HTR1F: variants seen among roughly 807,000 people sequenced by gnomAD.
The protein encoded by HTR1F is 5-hydroxytryptamine receptor 1F.
Under a neutral mutation model 24.0 loss-of-function variants are expected in HTR1F, and 17 were observed. The observed-to-expected ratio is 0.71, with a 90% CI of 0.48 to 1.06. The LOEUF (loss-of-function observed/expected upper bound fraction) is 1.06. HTR1F is among the 50% of genes least tolerant of loss of function. The pLI is 0.00. For synonymous variants in HTR1F, 186 were observed against 156.8 expected, an observed-to-expected ratio of 1.19 and a Z score of -1.39; for missense variants, 391 against 427.8, an observed-to-expected ratio of 0.91 and a Z score of 0.76.
chr3:87,887,871 G>A (rs1705989245), intron 2 of HTR1F, among the ~76,000 whole-genome samples: 1 of 151,958 alleles, frequency 6.6e-6, no homozygotes, highest in South Asian at 2.1e-4. Context: ...ACTGTTGGTG[G>A]GACTGTAAAC....
Position 87,991,824 on chromosome 3 carries a change from C to A in HTR1F, c.1075C>A (p.Gln359Lys). 1 of 1,581,456 alleles carries A rather than the reference C, an allele frequency of 6.3e-7. No individual in the cohort carries two copies. The highest frequency in any genetic ancestry group is 1.2e-5 in the South Asian group (1 of 85,290). ...IFNEDFKKAF[Q>K]KLVRCRC ...TAATGAAGACTTCAAGAAAGCATTC[C>A]AAAAGCTTGTGCGATGTCGATGTTA... Residue 359 changes from glutamine to lysine, a missense_variant, in exon 3 of 3, where the codon CAA becomes AAA. Coordinates refer to ENST00000319595, the MANE Select transcript of HTR1F (RefSeq NM_001322209.2).
chr3:87,889,726 T>C (rs1477367506), intron 2 of HTR1F, among the ~76,000 whole-genome samples: 1 of 152,196 alleles, frequency 6.6e-6, no homozygotes, highest in Non-Finnish European at 1.5e-5. Context: ...ACATTTACCA[T>C]TTTATTATTT....
chr3:87,831,143 T>G (rs1046593789), intron 2 of HTR1F, among the ~76,000 whole-genome samples: 2 of 151,864 alleles, frequency 1.3e-5, no homozygotes, highest in African/African-American at 4.8e-5. Flanking sequence ...AAGTATACCC[T>G]AAATAACTCT....
chr3:87,954,853 A>C (rs1467189989), intron 2 of HTR1F, among the ~76,000 whole-genome samples: 5 of 151,586 alleles, frequency 3.3e-5, no homozygotes, highest in Non-Finnish European at 7.4e-5. Flanking sequence ...AAAGGAACTT[A>C]TTAAACTTTC....
chr3:87,807,320 T>C (rs1704090028), intron 1 of HTR1F, among the ~76,000 whole-genome samples: 1 of 151,992 alleles, frequency 6.6e-6, no homozygotes, highest in Admixed American at 6.6e-5. Flanking sequence ...TTGTAGTTTT[T>C]CTTTTAGAAA....
chr3:87,935,184 C>G (rs966439710), intron 2 of HTR1F, among the ~76,000 whole-genome samples: 1 of 152,094 alleles, frequency 6.6e-6, no homozygotes, highest in Admixed American at 6.5e-5. Context: ...GGTTACTTCA[C>G]AAAAGCTGGA....
At chr3:87,952,719 C>A (rs1032858999) in intron 2 of HTR1F, among the ~76,000 whole-genome samples, 1 of 151,828 alleles carries the variant, frequency 6.6e-6, no homozygotes, top group Admixed American at 6.6e-5. Flanking sequence ...TCACCAGGAA[C>A]TTTTTTAAAA....
intron 2 of HTR1F, among the ~76,000 whole-genome samples, chr3:87,957,106 T>A (rs1349580068): frequency 6.6e-6 from 1 of 151,320 alleles, no homozygotes; most frequent in Non-Finnish European, 1.5e-5. Context: ...ATGCCTCTTA[T>A]CAGATGGAGG....
At chr3:87,815,855 A>T (rs1396989828) in intron 1 of HTR1F, among the ~76,000 whole-genome samples, 1 of 151,888 alleles carries the variant, frequency 6.6e-6, no homozygotes, top group African/African-American at 2.4e-5. Context: ...CCAGCATTTC[A>T]CTCATCTCCC....
At chr3:87,899,330 G>T (rs1182386070) in intron 2 of HTR1F, among the ~76,000 whole-genome samples, 2 of 152,062 alleles carry the variant, frequency 1.3e-5, no homozygotes, top group African/African-American at 4.8e-5. Flanking sequence ...AATACTACCA[G>T]AATTCTTTCA....
At chr3:87,910,014 C>G (rs951198176) in intron 2 of HTR1F, among the ~76,000 whole-genome samples, 1 of 151,960 alleles carries the variant, frequency 6.6e-6, no homozygotes, top group Non-Finnish European at 1.5e-5. Context: ...ATACTTCCTG[C>G]CAAAATTCTA....
At chr3:87,980,981 G>A (rs1366269485) in intron 2 of HTR1F, among the ~76,000 whole-genome samples, 1 of 152,082 alleles carries the variant, frequency 6.6e-6, no homozygotes, top group Admixed American at 6.5e-5. Context: ...GTAGCTGGGG[G>A]GCTGCTGCTG....
At chr3:87,795,315 G>A (rs1703886544) in intron 1 of HTR1F, among the ~76,000 whole-genome samples, 2 of 152,148 alleles carry the variant, frequency 1.3e-5, no homozygotes. Flanking sequence ...TAAAAGGAGT[G>A]ATAGTTTAAA....
rs1559599033 is a variant in HTR1F, at chr3:87,834,462, C to T, written c.-43+12338C>T. On this transcript the variant is annotated intron_variant, in intron 2 of 2. Coordinates refer to ENST00000319595, the MANE Select transcript of HTR1F (RefSeq NM_001322209.2). Reference sequence around the variant, plus strand: ...TTTTTTTTTTTCCCAAGCTATTTCCCATTAGTCTGTTTTCACTTGTTTGTT... The same window carrying T: ...TTTTTTTTTTTCCCAAGCTATTTCCTATTAGTCTGTTTTCACTTGTTTGTT... Among the ~76,000 whole-genome samples the T allele has an allele frequency of 1.1e-4, 16 of 151,702 alleles. 1 individual carries two copies. The South Asian group carries it at 3.3e-3, about 32-fold the overall frequency.
At chr3:87,843,323 A>C (rs1375858505) in intron 2 of HTR1F, among the ~76,000 whole-genome samples, 1 of 151,822 alleles carries the variant, frequency 6.6e-6, no homozygotes, top group Non-Finnish European at 1.5e-5. Context: ...GATGTTATTA[A>C]ATATTTTATA....
Position 87,908,014 on chromosome 3 carries a change from C to T in HTR1F, c.-42-82694C>T, listed in dbSNP as rs140532697. Among the ~76,000 whole-genome samples the T allele has an allele frequency of 2.0e-3, 310 of 152,038 alleles. 1 individual carries two copies. Among genetic ancestry groups the T allele is most frequent in the Middle Eastern group, 0.014 (4 of 292 alleles). ...TAAATTTGAACTAATATTTCCATTT[C>T]AAGTCATCTATCCTAAGGAAATAAT... On this transcript the variant is annotated intron_variant, in intron 2 of 2. Transcript: ENST00000319595.
At chr3:87,962,702 T>C (rs557853862) in intron 2 of HTR1F, among the ~76,000 whole-genome samples, 14 of 152,198 alleles carry the variant, frequency 9.2e-5, no homozygotes, top group Middle Eastern at 3.4e-3. Flanking sequence ...ATATTTGTAC[T>C]CTTCAGTTTT....
intron 2 of HTR1F, among the ~76,000 whole-genome samples, chr3:87,964,840 A>C (rs1176460270): frequency 6.6e-6 from 1 of 152,124 alleles, no homozygotes; most frequent in Non-Finnish European, 1.5e-5. Flanking sequence ...TGTAGCTCCC[A>C]TATTTCCCAG....
At chr3:87,953,546 C>G (rs1402969686) in intron 2 of HTR1F, among the ~76,000 whole-genome samples, 2 of 151,078 alleles carry the variant, frequency 1.3e-5, no homozygotes, top group Non-Finnish European at 3.0e-5. Context: ...AAAATGCCAG[C>G]AAGGATGCAG....
Sources: gnomAD v4.1 joint callset for allele counts (sites outside exome capture counted in the v4.1 genomes callset) on GRCh38, gnomAD v4.1.1 for gene constraint, MANE v1.5 for transcripts, NCBI Gene and HGNC (gene_info 2026-07-23, HGNC 2026-07-21) for gene names.